DMD: variants seen among roughly 807,000 people sequenced by gnomAD.
DMD encodes the protein mutant dystrophin.
DMD carries 63 observed loss-of-function variants against 330.1 expected under a neutral mutation model. The ratio of observed to expected loss-of-function variants is 0.19; its 90% CI spans 0.16 to 0.24. The LOEUF is 0.24. Ranked by LOEUF, DMD falls within the 10% of genes least tolerant of loss-of-function variation. The probability of loss-of-function intolerance (pLI) is 1.00; values close to 1 mark genes in which losing one functional copy is unlikely to be tolerated. For missense variants in DMD, 3,344 were observed against 2,684.1 expected (o/e 1.25, Z -5.43); for synonymous variants, 1,223 against 959.8 (o/e 1.27, Z -5.07).
chrX:31,181,345 A>C (rs753009876), intron 68 of DMD, among the ~76,000 whole-genome samples: 2 of 111,774 alleles, frequency 1.8e-5, no homozygotes, highest in South Asian at 7.5e-4. Flanking sequence ...AGGAATGAGA[A>C]GTGCTGGGTC....
At chrX:32,334,813 C>T (rs2097697502) in intron 41 of DMD, among the ~76,000 whole-genome samples, 2 of 111,753 alleles carry the variant, frequency 1.8e-5, no homozygotes, top group Admixed American at 1.9e-4. Flanking sequence ...GTCATAATCC[C>T]ATTAGCATAT....
intron 47 of DMD, among the ~76,000 whole-genome samples, chrX:31,882,540 A>C (rs2094089007): frequency 8.9e-6 from 1 of 112,486 alleles, no homozygotes; most frequent in East Asian, 2.8e-4. Flanking sequence ...AAGACTGATA[A>C]ATCAAACTCC....
chrX:33,279,843 C>G (rs2053295813), intron 1 of DMD, among the ~76,000 whole-genome samples: 1 of 97,050 alleles, frequency 1.0e-5, no homozygotes. Context: ...TTTATATATG[C>G]CATCTGTATA....
intron 7 of DMD, among the ~76,000 whole-genome samples, chrX:32,786,668 C>A (rs969264296): frequency 9.0e-6 from 1 of 111,408 alleles, no homozygotes; most frequent in Non-Finnish European, 1.9e-5. Flanking sequence ...CCCAATTAGC[C>A]CTGTAATAAA....
intron 7 of DMD, among the ~76,000 whole-genome samples, chrX:32,762,682 G>C (rs1205531330): frequency 9.1e-6 from 1 of 109,998 alleles, no homozygotes; most frequent in African/African-American, 3.3e-5. Context: ...GTTCTTGCTT[G>C]ACCGGAGCCT....
intron 1 of DMD, among the ~76,000 whole-genome samples, chrX:33,023,443 G>C (rs1184283682): frequency 1.8e-5 from 2 of 111,702 alleles, no homozygotes; most frequent in Non-Finnish European, 3.8e-5. Context: ...GAAAGAATGA[G>C]GTTGGGAATT....
At chrX:33,241,684 G>A (rs575495835) in intron 1 of DMD, among the ~76,000 whole-genome samples, 72 of 111,697 alleles carry the variant, frequency 6.4e-4, no homozygotes, top group Middle Eastern at 4.7e-3. Context: ...ATTTATTTGT[G>A]GCTTCTTCAA....
At chrX:32,110,381 A>G (rs773518243) in intron 44 of DMD, among the ~76,000 whole-genome samples, 59 of 112,107 alleles carry the variant, frequency 5.3e-4, no homozygotes, top group African/African-American at 1.9e-3. Context: ...TAAAAAAAGA[A>G]TGAGAATGAG....
chrX:32,857,676 TAAACTGCTGTTTATTCAA>T (rs1202242963), intron 2 of DMD, among the ~76,000 whole-genome samples: 1 of 112,011 alleles, frequency 8.9e-6, no homozygotes, highest in Non-Finnish European at 1.9e-5. Flanking sequence ...ATGTGCGTGA[TAAACTGCTGTTTATTCAA>T]AAAGAGGAGC....
rs192481532 is a variant in DMD, at chrX:32,753,549, C to T, written c.650-54256G>A. 3.1e-3 allele frequency among the ~76,000 whole-genome samples: 342 copies of T among 111,853 alleles called. 3 individuals carry two copies. The highest frequency in any genetic ancestry group is 0.011 in the African/African-American group (329 of 30,770). Reference sequence around the variant, plus strand: ...AAGCCACACAGGGAGTATACTCCAACCAAGCTTCAGTACAAATTCTTCCCT... The same window carrying T: ...AAGCCACACAGGGAGTATACTCCAATCAAGCTTCAGTACAAATTCTTCCCT... On this transcript the variant is annotated intron_variant, in intron 7 of 78. Transcript: ENST00000357033.
intron 60 of DMD, among the ~76,000 whole-genome samples, chrX:31,437,197 T>C (rs2064593465): frequency 8.9e-6 from 1 of 112,239 alleles, no homozygotes; most frequent in South Asian, 3.6e-4. Context: ...GGCTATTAGC[T>C]GATAAAAACT....
At chrX:32,433,948 C>A (rs1421520301) in intron 29 of DMD, among the ~76,000 whole-genome samples, 1 of 111,719 alleles carries the variant, frequency 9.0e-6, no homozygotes, top group Non-Finnish European at 1.9e-5. Flanking sequence ...AACCATCTTT[C>A]AAATCATTAC....
rs398124048 is a variant in DMD at position 31,729,767 on chromosome X, C to T, written c.7543-19G>A. On this transcript the variant is annotated intron_variant, in intron 51 of 78. Coordinates refer to ENST00000357033, the MANE Select transcript of DMD (RefSeq NM_004006.3). The stretch of plus-strand genomic sequence containing the variant: ...TTGTTGCCTGTAAGAACAAATATCC[C>T]TTAGTATCAGGGTTCTTCAGCGTTG... 5.2e-6 allele frequency: 6 copies of T among 1,148,701 alleles called. No individual in the cohort carries two copies. In the Admixed American group the frequency reaches 8.8e-5, roughly 17 times the overall value. The allele number at this position is 1,148,701 out of a possible 1,213,427, so 94.7% of individuals were successfully genotyped here.
At chrX:32,880,289 A>G (rs1366963203) in intron 2 of DMD, among the ~76,000 whole-genome samples, 2 of 110,018 alleles carry the variant, frequency 1.8e-5, no homozygotes, top group Non-Finnish European at 3.8e-5. Context: ...AGGGCCAAAA[A>G]AAAAAAAGCC....
intron 2 of DMD, among the ~76,000 whole-genome samples, chrX:32,911,925 G>A (rs966838403): frequency 5.4e-5 from 6 of 110,350 alleles, no homozygotes; most frequent in African/African-American, 2.0e-4. Context: ...TTGACAAGCT[G>A]TGGAGGACAA....
At chrX:33,305,835 C>T (rs769124384) in intron 1 of DMD, among the ~76,000 whole-genome samples, 8 of 111,842 alleles carry the variant, frequency 7.2e-5, no homozygotes, top group African/African-American at 2.6e-4. Context: ...AAGAACACAT[C>T]TTTTGTCAGT....
intron 37 of DMD, among the ~76,000 whole-genome samples, chrX:32,349,351 T>A (rs1236106654): frequency 9.0e-6 from 1 of 111,728 alleles, no homozygotes; most frequent in Non-Finnish European, 1.9e-5. Context: ...TCTCTCAATC[T>A]TTATGCTGTA....
At chrX:32,445,764 A>G (rs762459133) in intron 27 of DMD, among the ~76,000 whole-genome samples, 1 of 111,077 alleles carries the variant, frequency 9.0e-6, no homozygotes, top group Non-Finnish European at 1.9e-5. Flanking sequence ...AATACATAGA[A>G]TTAATCACAA....
intron 12 of DMD, among the ~76,000 whole-genome samples, chrX:32,610,083 C>A (rs961209801): frequency 5.4e-5 from 6 of 111,339 alleles, no homozygotes; most frequent in African/African-American, 1.6e-4. Context: ...CGAGGGAAAT[C>A]CTTTCATTCT....
Sources: gnomAD v4.1 joint callset for allele counts (sites outside exome capture counted in the v4.1 genomes callset) on GRCh38, gnomAD v4.1.1 for gene constraint, MANE v1.5 for transcripts, NCBI Gene and HGNC (gene_info 2026-07-23, HGNC 2026-07-21) for gene names.